SMOX: variants seen among roughly 807,000 people sequenced by gnomAD.
SMOX encodes the protein flavin containing amine oxidase.
Under a neutral mutation model 51.0 loss-of-function variants are expected in SMOX, and 22 were observed. The observed-to-expected ratio is 0.43, with a 90% CI of 0.31 to 0.62. The LOEUF (loss-of-function observed/expected upper bound fraction) is 0.62. Ranked by LOEUF, SMOX falls within the 20% of genes least tolerant of loss-of-function variation. The pLI is 0.10. For missense variants in SMOX, 566 were observed against 777.7 expected (o/e 0.73, Z 3.24); for synonymous variants, 282 against 307.8 (o/e 0.92, Z 0.88).
At chr20:4,162,593 A>G (rs1011823170) in intron 1 of SMOX, among the ~76,000 whole-genome samples, 7 of 152,142 alleles carry the variant, frequency 4.6e-5, no homozygotes, top group African/African-American at 1.7e-4. Flanking sequence ...GCCTCAGGGC[A>G]GGGGGCCCTG....
intron 1 of SMOX, among the ~76,000 whole-genome samples, chr20:4,174,692 G>A (rs187706822): frequency 6.6e-6 from 1 of 152,188 alleles, no homozygotes; most frequent in South Asian, 2.1e-4. Flanking sequence ...TAACAAGTTT[G>A]GGGGTGGGAT....
chr20:4,178,760 C>T (rs751098435), intron 3 of SMOX, among the ~76,000 whole-genome samples: 88 of 151,414 alleles, frequency 5.8e-4, no homozygotes, highest in Non-Finnish European at 4.3e-4. Flanking sequence ...CTCAGCTCAC[C>T]GCAACCTCCG....
chr20:4,169,803 C>T (rs1347901555), intron 1 of SMOX, among the ~76,000 whole-genome samples: 1 of 152,102 alleles, frequency 6.6e-6, no homozygotes, highest in East Asian at 1.9e-4. Flanking sequence ...CACACAAGGC[C>T]GTGCATACTA....
chr20:4,174,950 A>G, intron 1 of SMOX, 80 bp from the exon 2 acceptor site: 1 of 1,402,934 alleles, frequency 7.1e-7, no homozygotes, highest in East Asian at 2.3e-5. Context: ...GCAGAGTGTG[A>G]TGAAAGCCCT....
In SMOX at chr20:4,149,357, G is replaced by GGC. The variant is rs1414597888; in HGVS notation, c.-27+383_-27+384dup. On this transcript the variant is annotated intron_variant, in intron 1 of 6. Transcript: ENST00000305958. The surrounding 1 kb of genome is among the most constrained non-coding windows in gnomAD (Gnocchi z 6.0). ...GGGCGCCCTGCAGGCGCGCTCCGTG[G>GGC]GCGCAGACAAAGCCGGGCGCGGACG... is the stretch of plus-strand genomic sequence containing the variant. 6.6e-6 allele frequency among the ~76,000 whole-genome samples: 1 copy of GGC among 151,914 alleles called. No homozygotes were observed. Among genetic ancestry groups the GGC allele is most frequent in the East Asian group, 1.9e-4 (1 of 5,160 alleles).
At chr20:4,159,974 G>A (rs375224592) in intron 1 of SMOX, among the ~76,000 whole-genome samples, 34 of 152,320 alleles carry the variant, frequency 2.2e-4, no homozygotes, top group African/African-American at 7.7e-4. Context: ...GGAAGGTCTC[G>A]GGCCAGTGAT....
rs371900760 is a variant in SMOX, at chr20:4,179,944, C to T, written c.436-1859C>T. 8.2e-4 allele frequency among the ~76,000 whole-genome samples: 125 copies of T among 152,310 alleles called. 4 individuals are homozygous for T. In the South Asian group the frequency reaches 0.022, roughly 27 times the overall value. ...CTGTGCCATGTGATACACCCATGTT[C>T]GGTGAAGGCTGCCCTCGTTGGTGGC... On this transcript the variant is annotated intron_variant, in intron 3 of 6. Transcript: ENST00000305958.
Position 4,166,911 on chromosome 20 carries a change from G to A in SMOX, c.-26-8119G>A, listed in dbSNP as rs997769865. Among the ~76,000 whole-genome samples the A allele has an allele frequency of 3.3e-5, 5 of 152,236 alleles. No individual in the cohort carries two copies. The highest frequency in any genetic ancestry group is 4.8e-5 in the African/African-American group (2 of 41,462). On this transcript the variant is annotated intron_variant, in intron 1 of 6. Transcript: ENST00000305958. This position sits in a 1 kb window ranked among gnomAD's most constrained non-coding sequence, Gnocchi z 4.2. ...GCTTTTAGGGACTTTATGATTTTAG[G>A]GAAGAAATGTGGGTAGCAATGACAA...
At chr20:4,175,893 C>T (rs1765015) in intron 2 of SMOX, among the ~76,000 whole-genome samples, 4 of 78,558 alleles carry the variant, frequency 5.1e-5, no homozygotes, top group African/African-American at 6.4e-5. Flanking sequence ...TCCCAACTGG[C>T]GGGGGAGGGG....
rs200727159 is a variant in SMOX, at chr20:4,182,825, C to A, written c.1346C>A (p.Thr449Lys). 1 of 1,608,528 alleles carries A rather than the reference C, an allele frequency of 6.2e-7. No individual in the cohort carries two copies. Among genetic ancestry groups the A allele is most frequent in the Non-Finnish European group, 8.5e-7 (1 of 1,179,916 alleles). Reference sequence around the variant, plus strand: ...GACGAGGCAGTGGCCGAGATCTGCACGGAGATGCTGCGTCAGTTCACAGGT... The same window carrying A: ...GACGAGGCAGTGGCCGAGATCTGCAAGGAGATGCTGCGTCAGTTCACAGGT... ...CDDEAVAEIC[T>K]EMLRQFTGNP... The change falls in exon 5 of 7, where the codon ACG becomes AAG. Residue 449 changes from threonine (T) to lysine (K), a missense_variant. By Grantham distance (78) the Thr-to-Lys change is moderately conservative. Around this residue, in one of 3 missense-constraint regions of SMOX, gnomAD observed 347 missense variants for 481.8 expected, o/e 0.72. Coordinates refer to ENST00000305958, the MANE Select transcript of SMOX (RefSeq NM_175839.3). The surrounding 1 kb of genome is among the most constrained non-coding windows in gnomAD (Gnocchi z 8.4).
chr20:4,157,381 T>C (rs1230201702), intron 1 of SMOX, among the ~76,000 whole-genome samples: 1 of 151,854 alleles, frequency 6.6e-6, no homozygotes, highest in Non-Finnish European at 1.5e-5. Context: ...AAGGCTTAGG[T>C]TGGGGTCCTG....
intron 1 of SMOX, among the ~76,000 whole-genome samples, chr20:4,151,253 G>A (rs1362443853): frequency 2.6e-5 from 4 of 151,354 alleles, no homozygotes; most frequent in African/African-American, 9.8e-5. Flanking sequence ...CACTGTTAAG[G>A]CCCCAGGCTA....
chr20:4,165,520 T>C (rs1986536239), intron 1 of SMOX, among the ~76,000 whole-genome samples: 1 of 152,070 alleles, frequency 6.6e-6, no homozygotes, highest in Admixed American at 6.5e-5. Flanking sequence ...TACACCTTTG[T>C]GGTTGATGAC....
Position 4,187,380 on chromosome 20 carries a change from C to A in SMOX, c.1641C>A (p.Tyr547Ter), listed in dbSNP as rs1600831757. 6.2e-7 allele frequency: 1 copy of A among 1,614,140 alleles called. No individual in the cohort carries two copies. The highest frequency in any genetic ancestry group is 8.5e-7 in the Non-Finnish European group (1 of 1,180,012). The change falls in exon 7 of 7, where the codon TAC becomes TAA. Residue 547 changes from tyrosine (Y) to a stop codon, truncating the protein, a stop_gained. Coordinates refer to ENST00000305958, the MANE Select transcript of SMOX (RefSeq NM_175839.3). LOFTEE classifies it high-confidence loss of function. This position sits in a 1 kb window ranked among gnomAD's most constrained non-coding sequence, Gnocchi z 4.8. ...AGGCTGCCCGCCTCATTGAGATGTA[C>A]CGAGACCTCTTCCAGCAGGGGACCT... ...QREAARLIEM[Y>*]RDLFQQGT
intron 1 of SMOX, among the ~76,000 whole-genome samples, chr20:4,151,036 T>G (rs1419033368): frequency 6.6e-6 from 1 of 152,094 alleles, no homozygotes; most frequent in Non-Finnish European, 1.5e-5. Flanking sequence ...TTCACCATGT[T>G]GCCCAGGCTG....
chr20:4,176,298 C>T (rs1005043939), intron 2 of SMOX: 1 of 152,104 alleles, frequency 6.6e-6, no homozygotes, highest in African/African-American at 2.4e-5. Context: ...ACTTTGATCA[C>T]CTTAAGTGTC....
intron 1 of SMOX, among the ~76,000 whole-genome samples, chr20:4,160,610 G>T (rs1349404053): frequency 6.6e-6 from 1 of 152,158 alleles, no homozygotes; most frequent in African/African-American, 2.4e-5. Flanking sequence ...CAAAATAGAG[G>T]TTTGCTGTGA....
chr20:4,183,755 G>T lies in SMOX; in HGVS notation c.1530+101G>T. On this transcript the variant is annotated intron_variant, in intron 6 of 6. Coordinates refer to ENST00000305958, the MANE Select transcript of SMOX (RefSeq NM_175839.3). The surrounding 1 kb of genome is among the most constrained non-coding windows in gnomAD (Gnocchi z 4.3). ...GCTAGGGTAGTGTTCACTAAGGGGT[G>T]CTCAGGTGAGGCAGGGATGGAGTAG... 1 of 1,356,222 alleles carries T rather than the reference G, an allele frequency of 7.4e-7. No homozygotes were observed. Among genetic ancestry groups the T allele is most frequent in the African/African-American group, 1.5e-5 (1 of 67,526 alleles). The allele number at this position is 1,356,222 out of a possible 1,614,324, so 84.0% of individuals were successfully genotyped here. A position where few individuals can be genotyped will look rare whatever the true frequency, so the allele number is the denominator to read the frequency against.
chr20:4,153,964 G>T lies in SMOX; in HGVS notation c.-27+4987G>T, dbSNP rs1985883352. 6.6e-6 allele frequency among the ~76,000 whole-genome samples: 1 copy of T among 152,216 alleles called. No individual in the cohort carries two copies. Among genetic ancestry groups the T allele is most frequent in the Admixed American group, 6.5e-5 (1 of 15,284 alleles). ...GGTGTTCAGAGCCTTTGGGAACACA[G>T]GACACGGTTCCTGCTCTCCAGGAAA... is the stretch of plus-strand genomic sequence containing the variant. On this transcript the variant is annotated intron_variant, in intron 1 of 6. Transcript: ENST00000305958. The surrounding 1 kb of genome is among the most constrained non-coding windows in gnomAD (Gnocchi z 4.4).
Sources: gnomAD v4.1 joint callset for allele counts (sites outside exome capture counted in the v4.1 genomes callset) on GRCh38, gnomAD v4.1.1 for gene constraint, gnomAD v4.1.1 regional missense constraint, Gnocchi (gnomAD v3.1) non-coding constraint, MANE v1.5 for transcripts, NCBI Gene and HGNC (gene_info 2026-07-23, HGNC 2026-07-21) for gene names.